Variants in UMAD1 observed in about 807,000 individuals in gnomAD.
UMAD1 encodes UBAP1-MVB12-associated (UMA) domain containing 1.
UMAD1 carries 8 observed loss-of-function variants against 6.1 expected under a neutral mutation model. The ratio of observed to expected loss-of-function variants is 1.30; its 90% CI spans 0.76 to 2.35. The LOEUF (loss-of-function observed/expected upper bound fraction) is 2.35, where lower values mean the gene tolerates loss of function less well. Among genes scored for constraint, UMAD1 ranks in the 30% most tolerant of loss-of-function variants. The pLI is 0.00. For synonymous variants in UMAD1, 56 were observed against 31.4 expected, an observed-to-expected ratio of 1.78 and a Z score of -2.61; for missense variants, 130 against 78.4, an observed-to-expected ratio of 1.66 and a Z score of -2.49.
At chr7:7,857,248 G>A (rs1361083416) in intron 3 of UMAD1, among the ~76,000 whole-genome samples, 4 of 152,136 alleles carry the variant, frequency 2.6e-5, no homozygotes, top group Non-Finnish European at 4.4e-5. Flanking sequence ...GGGTCCACCC[G>A]GGAGTTTACA....
intron 1 of UMAD1, among the ~76,000 whole-genome samples, chr7:7,643,823 T>G (rs970612157): frequency 6.6e-6 from 1 of 152,196 alleles, no homozygotes; most frequent in Non-Finnish European, 1.5e-5. Context: ...CAAGCACACC[T>G]TCCTTTCTTC....
chr7:7,654,377 T>TAGG, intron 1 of UMAD1, among the ~76,000 whole-genome samples: 2 of 152,176 alleles, frequency 1.3e-5, no homozygotes, highest in East Asian at 3.9e-4. Context: ...GTTGTTAGTT[T>TAGG]TCAAGATGAC....
At chr7:7,849,780 T>C (rs1293812910) in intron 3 of UMAD1, among the ~76,000 whole-genome samples, 1 of 139,270 alleles carries the variant, frequency 7.2e-6, no homozygotes, top group African/African-American at 2.9e-5. Context: ...AATCTGTGGA[T>C]TGAAACAGCA....
intron 1 of UMAD1, among the ~76,000 whole-genome samples, chr7:7,642,198 G>T (rs1252732170): frequency 1.3e-5 from 2 of 152,086 alleles, no homozygotes; most frequent in East Asian, 3.9e-4. Flanking sequence ...GCAGTAGCAT[G>T]CACATAGCTC....
At chr7:7,735,835 AC>A (rs879640074) in intron 2 of UMAD1, 1 of 152,286 alleles carries the variant, frequency 6.6e-6, no homozygotes, top group Non-Finnish European at 1.5e-5. Context: ...ACTTGGAAAC[AC>A]CCAGAAAGTA....
At chr7:7,660,597 A>G (rs1207441807) in intron 1 of UMAD1, among the ~76,000 whole-genome samples, 2 of 152,038 alleles carry the variant, frequency 1.3e-5, no homozygotes, top group Non-Finnish European at 2.9e-5. Context: ...CTGTGTTGAA[A>G]CTTCTTTTCT....
rs556698006 is a variant in UMAD1, at chr7:7,705,937, A to C, written c.82+32484A>C. On this transcript the variant is annotated intron_variant, in intron 2 of 3. Transcript: ENST00000682710. ...TCTGTACCTTCTGTTCAATTTTGCT[A>C]TGAACCTAAAACTGCTCTAAAAAAT... is the stretch of plus-strand genomic sequence containing the variant. 1.5e-4 allele frequency among the ~76,000 whole-genome samples: 23 copies of C among 152,282 alleles called. No homozygotes were observed. The South Asian group carries it at 4.3e-3, about 29-fold the overall frequency.
chr7:7,711,407 A>G (rs920738436), intron 2 of UMAD1, among the ~76,000 whole-genome samples: 1 of 152,168 alleles, frequency 6.6e-6, no homozygotes. Context: ...AATCATGGCA[A>G]ATTTTTTTCC....
At chr7:7,768,448 A>C (rs1782037231) in intron 2 of UMAD1, among the ~76,000 whole-genome samples, 1 of 152,160 alleles carries the variant, frequency 6.6e-6, no homozygotes, top group Non-Finnish European at 1.5e-5. Context: ...CTGTTCTCTT[A>C]CATGTCTAGG....
At chr7:7,717,494 T>G (rs1018476587) in intron 2 of UMAD1, among the ~76,000 whole-genome samples, 3 of 152,250 alleles carry the variant, frequency 2.0e-5, no homozygotes, top group African/African-American at 7.2e-5. Flanking sequence ...GTATTTACTT[T>G]ATTAAATGAA....
intron 3 of UMAD1, among the ~76,000 whole-genome samples, chr7:7,813,629 A>G (rs1783068319): frequency 6.6e-6 from 1 of 152,312 alleles, no homozygotes; most frequent in Non-Finnish European, 1.5e-5. Flanking sequence ...AAACTTTCTC[A>G]CAACTTTTTA....
intron 3 of UMAD1, among the ~76,000 whole-genome samples, chr7:7,843,932 T>A (rs1267120088): frequency 6.6e-6 from 1 of 152,166 alleles, no homozygotes; most frequent in Non-Finnish European, 1.5e-5. Context: ...CCTGCCATGC[T>A]ATATGTTTAA....
At chr7:7,771,156 C>A (rs1782092593) in intron 2 of UMAD1, among the ~76,000 whole-genome samples, 1 of 150,008 alleles carries the variant, frequency 6.7e-6, no homozygotes, top group Admixed American at 6.6e-5. Context: ...GCTTTGAGGA[C>A]AAGGATAATT....
intron 1 of UMAD1, among the ~76,000 whole-genome samples, chr7:7,647,465 A>G (rs945113404): frequency 3.3e-5 from 5 of 152,180 alleles, no homozygotes; most frequent in Admixed American, 2.6e-4. Flanking sequence ...CAGTTGTTGG[A>G]TCCAGTGTGT....
At chr7:7,688,389 AG>A (rs146296593) in intron 2 of UMAD1, among the ~76,000 whole-genome samples, 2,709 of 152,250 alleles carry the variant, frequency 0.018, 78 homozygotes, top group African/African-American at 0.062. Context: ...TATCTTAAAA[AG>A]GAAAACTTAC....
chr7:7,834,212 G>A (rs1481269024), intron 3 of UMAD1, among the ~76,000 whole-genome samples: 7 of 151,222 alleles, frequency 4.6e-5, no homozygotes, highest in Non-Finnish European at 1.0e-4. Flanking sequence ...TATTAGAGGC[G>A]GGGTTTCACC....
At chr7:7,670,614 A>C (rs1478948833) in intron 1 of UMAD1, among the ~76,000 whole-genome samples, 1 of 152,206 alleles carries the variant, frequency 6.6e-6, no homozygotes, top group Non-Finnish European at 1.5e-5. Flanking sequence ...ATTCAGATAT[A>C]GCATCATGCT....
intron 1 of UMAD1, among the ~76,000 whole-genome samples, chr7:7,646,367 A>G (rs1294263267): frequency 6.6e-6 from 1 of 151,444 alleles, no homozygotes; most frequent in Admixed American, 6.6e-5. Flanking sequence ...TGTGGGAGGG[A>G]CCCGATGAGA....
intron 3 of UMAD1, among the ~76,000 whole-genome samples, chr7:7,832,253 G>A (rs1171254735): frequency 6.6e-6 from 1 of 152,080 alleles, no homozygotes; most frequent in Non-Finnish European, 1.5e-5. Flanking sequence ...GGTTTTATTG[G>A]TTTTTCTTAA....
Sources: allele counts gnomAD v4.1 joint callset (sites outside exome capture counted in the v4.1 genomes callset), GRCh38; gene constraint gnomAD v4.1.1; transcripts MANE v1.5; gene names NCBI Gene and HGNC (gene_info 2026-07-23, HGNC 2026-07-21).